Variants in ZNF362 observed in about 807,000 individuals in gnomAD.
ZNF362 encodes the protein rotund homolog.
ZNF362 carries 11 observed loss-of-function variants against 42.9 expected under a neutral mutation model. The ratio of observed to expected loss-of-function variants is 0.26; its 90% CI spans 0.16 to 0.42. The LOEUF is 0.42. Ranked by LOEUF, ZNF362 falls within the 20% of genes least tolerant of loss-of-function variation. The probability of loss-of-function intolerance (pLI) is 1.00; values close to 1 mark genes in which losing one functional copy is unlikely to be tolerated. For synonymous variants in ZNF362, 255 were observed against 257.3 expected, an observed-to-expected ratio of 0.99 and a Z score of 0.09; for missense variants, 362 against 576.2, an observed-to-expected ratio of 0.63 and a Z score of 3.81.
the ZNF362 span, among the ~76,000 whole-genome samples, chr1:33,197,332 A>G: frequency 6.6e-6 from 1 of 152,162 alleles, no homozygotes; most frequent in East Asian, 1.9e-4. Context: ...CGTGTGAGCC[A>G]ATCCTCCCTA....
chr1:33,173,135 C>T, the ZNF362 span, among the ~76,000 whole-genome samples: 149,308 of 152,224 alleles, frequency 0.98, 73,273 homozygotes, highest in Middle Eastern at 1. Flanking sequence ...TACCTAGAAC[C>T]GGATGCTCCT....
chr1:33,221,692 C>T, the ZNF362 span, among the ~76,000 whole-genome samples: 4 of 152,144 alleles, frequency 2.6e-5, no homozygotes, highest in Non-Finnish European at 1.5e-5. Flanking sequence ...CTGGCTCATT[C>T]CAAAGACAAT....
At chr1:33,215,729 G>T in the ZNF362 span, among the ~76,000 whole-genome samples, 1 of 152,116 alleles carries the variant, frequency 6.6e-6, no homozygotes, top group African/African-American at 2.4e-5. Context: ...GAAGTTCACA[G>T]TCACATTCAG....
chr1:33,144,106 T>G, the ZNF362 span, among the ~76,000 whole-genome samples: 2 of 151,238 alleles, frequency 1.3e-5, no homozygotes, highest in African/African-American at 4.9e-5. Context: ...ATGCAAACGT[T>G]GATATATGAT....
At chr1:33,175,050 T>TATGTATA in the ZNF362 span, among the ~76,000 whole-genome samples, 1 of 151,304 alleles carries the variant, frequency 6.6e-6, no homozygotes, top group Non-Finnish European at 1.5e-5. Context: ...TGTATATGTA[T>TATGTATA]TTTTTTTAAG....
the ZNF362 span, among the ~76,000 whole-genome samples, chr1:33,236,025 G>A: frequency 2.6e-5 from 4 of 152,114 alleles, no homozygotes; most frequent in Admixed American, 2.6e-4. Context: ...CAGACTGTTG[G>A]GGGTGCAAGT....
chr1:33,134,524 G>A, the ZNF362 span, among the ~76,000 whole-genome samples: 1 of 152,228 alleles, frequency 6.6e-6, no homozygotes, highest in African/African-American at 2.4e-5. Flanking sequence ...ATGGAAAGGA[G>A]GGGGTCAGAA....
At chr1:33,243,692 G>A in the ZNF362 span, among the ~76,000 whole-genome samples, 1 of 151,180 alleles carries the variant, frequency 6.6e-6, no homozygotes, top group Non-Finnish European at 1.5e-5. Flanking sequence ...CGCCTCCCAG[G>A]TTCATGCTAT....
chr1:33,209,967 A>AGCT, the ZNF362 span, among the ~76,000 whole-genome samples: 1 of 151,910 alleles, frequency 6.6e-6, no homozygotes, highest in Admixed American at 6.6e-5. Flanking sequence ...GCCTTCTGCT[A>AGCT]GCTTTTGAAT....
chr1:33,180,887 G>C, the ZNF362 span: 19 of 686,836 alleles, frequency 2.8e-5, no homozygotes, highest in Admixed American at 5.4e-4. Context: ...TCCTGATAGG[G>C]CCCTGACCTT....
the ZNF362 span, chr1:33,147,325 A>G: frequency 6.2e-7 from 1 of 1,614,210 alleles, no homozygotes. This position sits in a 1 kb window ranked among gnomAD's most constrained non-coding sequence, Gnocchi z 8.1. Context: ...GTAGAAGATG[A>G]GCAAGCCTTG....
the ZNF362 span, among the ~76,000 whole-genome samples, chr1:33,138,626 CA>C: frequency 0.075 from 4,979 of 66,182 alleles, 183 homozygotes; most frequent in East Asian, 0.21. Flanking sequence ...ACAACAACAA[CA>C]AAAAAAAAAA....
chr1:33,200,011 C>T, the ZNF362 span: 1 of 152,574 alleles, frequency 6.6e-6, no homozygotes, highest in African/African-American at 2.4e-5. Context: ...AAAACTCCAT[C>T]TCAAAAACAA....
At chr1:33,169,602 G>A in the ZNF362 span, among the ~76,000 whole-genome samples, 3,629 of 152,302 alleles carry the variant, frequency 0.024, 115 homozygotes, top group African/African-American at 0.082. Flanking sequence ...AAGCCTTAGG[G>A]TGACATTCAA....
At chr1:33,236,550 A>ATATATATAT in the ZNF362 span, among the ~76,000 whole-genome samples, 7 of 5,980 alleles carry the variant, frequency 1.2e-3, no homozygotes, top group Non-Finnish European at 2.6e-3. Context: ...AAAAAAAAAA[A>ATATATATAT]ATATATATAT....
chr1:33,200,874 G>T, the ZNF362 span, among the ~76,000 whole-genome samples: 10 of 152,102 alleles, frequency 6.6e-5, no homozygotes, highest in African/African-American at 2.4e-4. Flanking sequence ...ATTAGGGTGG[G>T]CCCTAATCTA....
At chr1:33,229,320 A>T in the ZNF362 span, among the ~76,000 whole-genome samples, 2 of 151,790 alleles carry the variant, frequency 1.3e-5, no homozygotes, top group South Asian at 4.1e-4. Context: ...GAAAGAGCTT[A>T]TTAGCCATCT....
chr1:33,167,193 C>T, the ZNF362 span, among the ~76,000 whole-genome samples: 10 of 152,208 alleles, frequency 6.6e-5, no homozygotes, highest in East Asian at 1.9e-4. This position sits in a 1 kb window ranked among gnomAD's most constrained non-coding sequence, Gnocchi z 4.2. Flanking sequence ...GACCGCCCCA[C>T]GCACAGTGGC....
the ZNF362 span, among the ~76,000 whole-genome samples, chr1:33,159,298 G>T: frequency 6.6e-6 from 1 of 151,938 alleles, no homozygotes; most frequent in Admixed American, 6.6e-5. This position sits in a 1 kb window ranked among gnomAD's most constrained non-coding sequence, Gnocchi z 4.2. Context: ...TTTATATTAT[G>T]ATTGTAAACA....
Sources: allele counts gnomAD v4.1 joint callset (sites outside exome capture counted in the v4.1 genomes callset), GRCh38; gene constraint gnomAD v4.1.1; non-coding constraint Gnocchi (gnomAD v3.1); transcripts MANE v1.5; gene names NCBI Gene and HGNC (gene_info 2026-07-23, HGNC 2026-07-21).